The following SNED1 variants were observed in gnomAD, a reference collection of about 807,000 sequenced individuals.
SNED1 encodes sushi, nidogen and EGF-like domain-containing protein 1.
In SNED1, 81 loss-of-function variants were observed where a neutral mutation model predicts 166.7. That is an observed-to-expected ratio of 0.49 (90% CI 0.41 to 0.58). The LOEUF (loss-of-function observed/expected upper bound fraction) is 0.58. SNED1 is among the 20% of genes least tolerant of loss of function. The pLI is 0.00. For synonymous variants in SNED1, 762 were observed against 822.0 expected (o/e 0.93, Z 1.25); for missense variants, 1,604 against 2,000.2 (o/e 0.80, Z 3.78).
At chr2:241,058,660 T>C (rs2062137775) in intron 16 of SNED1, among the ~76,000 whole-genome samples, 1 of 152,186 alleles carries the variant, frequency 6.6e-6, no homozygotes, top group Non-Finnish European at 1.5e-5. Flanking sequence ...GAAAAGATCA[T>C]TAAAATTGGG....
intron 1 of SNED1, among the ~76,000 whole-genome samples, chr2:241,022,974 A>C (rs1574900926): frequency 6.6e-6 from 1 of 152,082 alleles, no homozygotes. Flanking sequence ...CTCTCACCAG[A>C]GGTTTATGTA....
intron 26 of SNED1, chr2:241,072,381 C>G: frequency 8.2e-6 from 3 of 366,538 alleles, no homozygotes; most frequent in Non-Finnish European, 1.6e-5. Context: ...GTGAGTGCCG[C>G]TCTGGGAATC....
chr2:241,088,820 G>A (rs1008241845), intron 31 of SNED1: 11 of 221,554 alleles, frequency 5.0e-5, no homozygotes, highest in Non-Finnish European at 4.4e-5. Flanking sequence ...GAGAAATTCC[G>A]GGGGCTCCAG....
chr2:241,065,705 G>C (rs2062416483), intron 21 of SNED1, 110 bp downstream of exon 21: 1 of 932,256 alleles, frequency 1.1e-6, no homozygotes, highest in Non-Finnish European at 1.6e-6. Context: ...CCTAGTTCTT[G>C]CAGCAGCAAG....
chr2:241,086,392 C>G (rs992313937), intron 29 of SNED1, among the ~76,000 whole-genome samples: 1 of 152,202 alleles, frequency 6.6e-6, no homozygotes, highest in Non-Finnish European at 1.5e-5. Flanking sequence ...CCAGCTGCCT[C>G]TGTCTCCCCA....
chr2:241,048,686 G>A lies in SNED1; in HGVS notation c.1424G>A (p.Arg475His), dbSNP rs1271675881. ...RERVPDDCECRNGGRCLGANT... is the reference protein window; with the variant it reads ...RERVPDDCECHNGGRCLGANT... ...GGAGTCCCCGATGACTGTGAGTGCCGCAACGGAGGCAGATGCCTGGGCGCC... is the reference window on the plus strand; with the variant it reads ...GGAGTCCCCGATGACTGTGAGTGCCACAACGGAGGCAGATGCCTGGGCGCC... The change falls in exon 10 of 32, where the codon CGC (arginine) becomes CAC (histidine). Residue 475 changes from arginine (R) to histidine (H), a missense_variant. By Grantham distance (29) the Arg-to-His change is conservative (BLOSUM62 0). Transcript: ENST00000310397. 2.5e-6 allele frequency: 4 copies of A among 1,611,464 alleles called. No homozygotes were observed. In the African/African-American group the frequency reaches 4.0e-5, roughly 16 times the overall value.
At chr2:241,053,066 C>CCTGCA (rs2061929599) in intron 15 of SNED1, 87 bp from the exon 16 acceptor site, 1 of 1,316,420 alleles carries the variant, frequency 7.6e-7, no homozygotes. Flanking sequence ...ATCCCTGGGC[C>CCTGCA]CTGCAGTCGG....
At chr2:241,088,253 A>C in intron 30 of SNED1, 112 bp from the exon 31 acceptor site, 2 of 778,092 alleles carry the variant, frequency 2.6e-6, no homozygotes, top group Non-Finnish European at 4.6e-6. Context: ...CCACCGTGGA[A>C]TGTATGTGAG....
Position 240,998,990 on chromosome 2 carries a change from G to A in SNED1, c.153G>A (p.Ser51=). The A allele has an allele frequency of 7.5e-7, 1 of 1,327,732 alleles. No homozygotes were observed. Among genetic ancestry groups the A allele is most frequent in the Non-Finnish European group, 9.7e-7 (1 of 1,035,328 alleles). 82.2% of individuals were successfully genotyped at this position (1,327,732 alleles called of 1,614,324 possible). A position where few individuals can be genotyped will look rare whatever the true frequency, so the allele number is the denominator to read the frequency against. Residue 51 remains serine (S), a synonymous_variant, in exon 1 of 32, where the codon TCG becomes TCA. Coordinates refer to ENST00000310397, the MANE Select transcript of SNED1 (RefSeq NM_001080437.3). ...CCCCCAAGCAGGACGACGGCGGCTC[G>A]GGGCTGCGGCCGCTCTCGGTGCCCT... ...AVTPKQDDGG[S]GLRPLSVPFP...
intron 1 of SNED1, among the ~76,000 whole-genome samples, chr2:241,021,926 G>A (rs1266662960): frequency 6.6e-6 from 1 of 151,742 alleles, no homozygotes; most frequent in African/African-American, 2.4e-5. Flanking sequence ...ATCAACACGG[G>A]TTATTATCTA....
rs946160985 is a variant in SNED1 at position 241,094,588 on chromosome 2, T to G, written c.*2952T>G. 1 of 354,712 alleles carries G rather than the reference T, an allele frequency of 2.8e-6. No homozygotes were observed. The highest frequency in any genetic ancestry group is 2.2e-5 in the African/African-American group (1 of 46,498). The allele number at this position is 354,712 out of a possible 1,614,324, so 22.0% of individuals were successfully genotyped here. A position where few individuals can be genotyped will look rare whatever the true frequency, so the allele number is the denominator to read the frequency against. On this transcript the variant is annotated 3_prime_UTR_variant, in exon 32 of 32. Transcript: ENST00000310397. This position sits in a 1 kb window ranked among gnomAD's most constrained non-coding sequence, Gnocchi z 4.3. ...TTAAATAAAATAATACGATCCTAAGTCCATTTACCATCTGAAGTTGTCACG... is the reference window on the plus strand; with the variant it reads ...TTAAATAAAATAATACGATCCTAAGGCCATTTACCATCTGAAGTTGTCACG...
chr2:240,998,811 G>T lies in SNED1; in HGVS notation c.-27G>T. 8.7e-7 allele frequency: 1 copy of T among 1,143,604 alleles called. No individual in the cohort carries two copies. Among genetic ancestry groups the T allele is most frequent in the African/African-American group, 1.6e-5 (1 of 60,616 alleles). 70.8% of individuals were successfully genotyped at this position (1,143,604 alleles called of 1,614,324 possible). On this transcript the variant is annotated 5_prime_UTR_variant, in exon 1 of 32. Coordinates refer to ENST00000310397, the MANE Select transcript of SNED1 (RefSeq NM_001080437.3). The stretch of plus-strand genomic sequence containing the variant: ...TCCCCCAGCGCCCTGCTCCGCCAGC[G>T]CCCCGTCCCGCCCGCACACCTCCGC...
rs1449941289 is a variant in SNED1, at chr2:241,073,433, G to A, written c.3916+69G>A. The A allele has an allele frequency of 1.7e-5, 23 of 1,328,204 alleles. No homozygotes were observed. The highest frequency in any genetic ancestry group is 2.3e-5 in the Non-Finnish European group (22 of 944,134). The allele number at this position is 1,328,204 out of a possible 1,614,324, so 82.3% of individuals were successfully genotyped here. The stretch of plus-strand genomic sequence containing the variant: ...CTCTCAGGGGCCTTAGAGGCTGCAG[G>A]CAGGAGGGACCACCCACGGTGAGGA... On this transcript the variant is annotated intron_variant, in intron 27 of 31. Coordinates refer to ENST00000310397, the MANE Select transcript of SNED1 (RefSeq NM_001080437.3). This position sits in a 1 kb window ranked among gnomAD's most constrained non-coding sequence, Gnocchi z 6.6.
At chr2:241,066,208 C>T (rs534582770) in intron 21 of SNED1, among the ~76,000 whole-genome samples, 189 of 152,232 alleles carry the variant, frequency 1.2e-3, no homozygotes, top group African/African-American at 4.3e-3. Context: ...CCTGAGCCAC[C>T]AAGATTGCAG....
At chr2:241,082,185 C>T in intron 28 of SNED1, 92 bp from the exon 29 acceptor site, 1 of 1,011,654 alleles carries the variant, frequency 9.9e-7, no homozygotes, top group East Asian at 2.4e-5. Flanking sequence ...GCCTAAGGAC[C>T]CCCGGGCCCT....
At position 241,068,594 on chromosome 2, in the gene SNED1, G is replaced by A. The variant is rs12993047; in HGVS notation, c.3195-317G>A. Among the ~76,000 whole-genome samples the A allele has an allele frequency of 0.2, 30,794 of 151,844 alleles. 3,296 individuals carry two copies. The highest frequency in any genetic ancestry group is 0.31 in the Middle Eastern group (91 of 294). On this transcript the variant is annotated intron_variant, in intron 22 of 31. Coordinates refer to ENST00000310397, the MANE Select transcript of SNED1 (RefSeq NM_001080437.3). This position sits in a 1 kb window ranked among gnomAD's most constrained non-coding sequence, Gnocchi z 5.3. ...ATCAACTCACCTGTGCTGAGGGCCC[G>A]TCCCCCATCCCTGCACAGTGACCAC...
upstream of SNED1, among the ~76,000 whole-genome samples, chr2:240,997,788 C>T (rs1046153439): frequency 3.9e-5 from 6 of 152,108 alleles, no homozygotes; most frequent in Non-Finnish European, 5.9e-5. Context: ...CACGGTGGGC[C>T]GGGTGAGTTC....
intron 1 of SNED1, among the ~76,000 whole-genome samples, chr2:241,019,692 G>T (rs984367805): frequency 6.6e-6 from 1 of 152,182 alleles, no homozygotes; most frequent in Non-Finnish European, 1.5e-5. Flanking sequence ...AGCGCGGTCC[G>T]ATCGGAGAGC....
At chr2:241,066,863 C>G (rs1057135344) in intron 21 of SNED1, among the ~76,000 whole-genome samples, 2 of 152,196 alleles carry the variant, frequency 1.3e-5, no homozygotes, top group Non-Finnish European at 2.9e-5. Flanking sequence ...CTTGAGCCCA[C>G]CCAGAGGCCC....
Sources: allele counts gnomAD v4.1 joint callset (sites outside exome capture counted in the v4.1 genomes callset), GRCh38; gene constraint gnomAD v4.1.1; non-coding constraint Gnocchi (gnomAD v3.1); transcripts MANE v1.5; gene names NCBI Gene and HGNC (gene_info 2026-07-23, HGNC 2026-07-21).